The following NACC2 variants were observed in gnomAD, a reference collection of about 807,000 sequenced individuals.
The protein encoded by NACC2 is nucleus accumbens-associated protein 2.
In NACC2, 8 loss-of-function variants were observed where a neutral mutation model predicts 25.1. The ratio of observed to expected loss-of-function variants is 0.32; its 90% CI spans 0.19 to 0.57. NACC2 has a LOEUF of 0.57. NACC2 is among the 20% of genes least tolerant of loss of function. NACC2 has a pLI of 0.89. For missense variants in NACC2, 644 were observed against 650.2 expected (o/e 0.99, Z 0.10); for synonymous variants, 435 against 294.7 (o/e 1.48, Z -4.88).
chr9:136,067,575 C>G (rs148166809), intron 1 of NACC2, among the ~76,000 whole-genome samples: 94 of 152,030 alleles, frequency 6.2e-4, no homozygotes, highest in Non-Finnish European at 1.0e-3. Context: ...CGGTGGCTCA[C>G]GCCTGTAATC....
At chr9:136,056,809 GCATCAGC>G (rs1840931407) in intron 1 of NACC2, among the ~76,000 whole-genome samples, 1 of 152,246 alleles carries the variant, frequency 6.6e-6, no homozygotes, top group Non-Finnish European at 1.5e-5. Context: ...GCCAGGGCCA[GCATCAGC>G]CATCAGAGCC....
chr9:136,044,269 T>A (rs927409528), intron 2 of NACC2, among the ~76,000 whole-genome samples: 2,703 of 152,096 alleles, frequency 0.018, 79 homozygotes, highest in East Asian at 0.15. Context: ...TAATCGCAGC[T>A]TTTTGGGAGG....
Position 136,084,368 on chromosome 9 carries a change from C to G in NACC2, c.-60+10821G>C, listed in dbSNP as rs928126043. 6.6e-6 allele frequency among the ~76,000 whole-genome samples: 1 copy of G among 152,276 alleles called. No individual in the cohort carries two copies. The highest frequency in any genetic ancestry group is 6.5e-5 in the Admixed American group (1 of 15,300). On this transcript the variant is annotated intron_variant, in intron 1 of 5. Coordinates refer to ENST00000277554, the MANE Select transcript of NACC2 (RefSeq NM_144653.5). This position sits in a 1 kb window ranked among gnomAD's most constrained non-coding sequence, Gnocchi z 5.1. Reference sequence around the variant, plus strand: ...AGGCGGGTTGCTGGAGGGCTGCTTCCGAGACTCATCCATCACACAGACACC... The same window carrying G: ...AGGCGGGTTGCTGGAGGGCTGCTTCGGAGACTCATCCATCACACAGACACC...
At chr9:136,091,843 C>A (rs1172873451) in intron 1 of NACC2, among the ~76,000 whole-genome samples, 2 of 148,890 alleles carry the variant, frequency 1.3e-5, no homozygotes, top group Non-Finnish European at 3.0e-5. Flanking sequence ...AAAAAAAAAA[C>A]CAACAACAAC....
chr9:136,047,096 A>G (rs1453317604), intron 2 of NACC2, among the ~76,000 whole-genome samples: 1 of 152,102 alleles, frequency 6.6e-6, no homozygotes, highest in African/African-American at 2.4e-5. Flanking sequence ...GGGACCTTAG[A>G]ACACGCTAGT....
chr9:136,023,086 GGA>G (rs1564220677), intron 2 of NACC2, among the ~76,000 whole-genome samples: 7 of 11,106 alleles, frequency 6.3e-4, no homozygotes, highest in South Asian at 4.2e-3. Flanking sequence ...GAGGAGGGAG[GGA>G]AGGAGGGAAG....
intron 2 of NACC2, among the ~76,000 whole-genome samples, chr9:136,030,306 A>T (rs1840455117): frequency 6.6e-6 from 1 of 152,122 alleles, no homozygotes; most frequent in African/African-American, 2.4e-5. Flanking sequence ...GACATTCAGA[A>T]GATCTTAAAG....
chr9:136,044,582 G>A (rs985266563), intron 2 of NACC2, among the ~76,000 whole-genome samples: 3 of 152,126 alleles, frequency 2.0e-5, no homozygotes, highest in Non-Finnish European at 4.4e-5. Flanking sequence ...GGTGGTGGTG[G>A]GGGGGCTCTA....
intron 1 of NACC2, among the ~76,000 whole-genome samples, chr9:136,051,311 G>A (rs1227124093): frequency 3.9e-5 from 6 of 152,152 alleles, no homozygotes; most frequent in Admixed American, 2.6e-4. Flanking sequence ...CCAAGCCGCC[G>A]CCAGGGCAGG....
chr9:136,051,527 G>T (rs1281771286), intron 1 of NACC2, among the ~76,000 whole-genome samples: 1 of 152,184 alleles, frequency 6.6e-6, no homozygotes, highest in Non-Finnish European at 1.5e-5. Flanking sequence ...GGCGGGGGCG[G>T]CCCAGAAGGC....
intron 2 of NACC2, among the ~76,000 whole-genome samples, chr9:136,031,590 G>A (rs1840474234): frequency 6.6e-6 from 1 of 151,974 alleles, no homozygotes; most frequent in Non-Finnish European, 1.5e-5. Context: ...CACCCGCCTC[G>A]GCCTCCCAAA....
Position 136,016,364 on chromosome 9 carries a change from C to A in NACC2, c.952G>T (p.Val318Leu). ...CTGATGAGGCTGGCAGGTAGGGCCA[C>A]GAGGTCGCGGCGGATGAGGACGCAG... The part of the protein sequence containing the change: ...RSCVLIRRDL[V>L]ALPASLISQI... The change falls in exon 3 of 6, where the codon GTG becomes TTG. Residue 318 changes from valine to leucine, a missense_variant. Val to Leu is a conservative substitution (Grantham distance 32). Transcript: ENST00000277554. The A allele has an allele frequency of 6.2e-7, 1 of 1,611,972 alleles. No individual in the cohort carries two copies. The highest frequency in any genetic ancestry group is 1.7e-5 in the Admixed American group (1 of 60,016).
intron 2 of NACC2, among the ~76,000 whole-genome samples, chr9:136,043,157 G>A (rs1215913582): frequency 6.6e-6 from 1 of 152,170 alleles, no homozygotes; most frequent in Non-Finnish European, 1.5e-5. Context: ...AAAACTTCTG[G>A]TCTTTGAGAG....
chr9:136,050,745 C>T (rs1840817900), intron 1 of NACC2, among the ~76,000 whole-genome samples, 165 bp from the exon 2 acceptor site: 1 of 152,108 alleles, frequency 6.6e-6, no homozygotes, highest in African/African-American at 2.4e-5. Flanking sequence ...AGAAGGGACA[C>T]GGGGTCTCCC....
In NACC2 at chr9:136,013,802, C is replaced by G; in HGVS notation, c.1157+62G>C. On this transcript the variant is annotated intron_variant, in intron 4 of 5. Transcript: ENST00000277554. This position sits in a 1 kb window ranked among gnomAD's most constrained non-coding sequence, Gnocchi z 6.6. ...CCCTGGACGATCAGACAGCTCATAG[C>G]TAAAGGAGCCAGAACCCTCCGCAGC... is the stretch of plus-strand genomic sequence containing the variant. 1.4e-6 allele frequency: 2 copies of G among 1,427,096 alleles called. No individual in the cohort carries two copies. Among genetic ancestry groups the G allele is most frequent in the South Asian group, 2.4e-5 (2 of 84,608 alleles). The allele number at this position is 1,427,096 out of a possible 1,614,324, so 88.4% of individuals were successfully genotyped here.
At chr9:136,041,745 T>C (rs1840636188) in intron 2 of NACC2, among the ~76,000 whole-genome samples, 1 of 152,176 alleles carries the variant, frequency 6.6e-6, no homozygotes, top group South Asian at 2.1e-4. Flanking sequence ...AGATGAACAG[T>C]ATGGCGTGTG....
intron 2 of NACC2, among the ~76,000 whole-genome samples, chr9:136,048,262 G>T (rs1400216190): frequency 9.8e-5 from 15 of 152,326 alleles, no homozygotes; most frequent in African/African-American, 3.6e-4. Context: ...CTGGTCCCCT[G>T]CCTTCCCTGG....
intron 1 of NACC2, among the ~76,000 whole-genome samples, chr9:136,060,879 C>T (rs1355079619): frequency 6.6e-6 from 1 of 152,238 alleles, no homozygotes; most frequent in African/African-American, 2.4e-5. Flanking sequence ...TTCTCCTCTG[C>T]ATCCAGGAAG....
At chr9:136,076,181 A>G (rs957041896) in intron 1 of NACC2, among the ~76,000 whole-genome samples, 1 of 152,194 alleles carries the variant, frequency 6.6e-6, no homozygotes. Context: ...CAACCAAAAG[A>G]AAAGCAAATG....
Sources: allele counts gnomAD v4.1 joint callset (sites outside exome capture counted in the v4.1 genomes callset), GRCh38; gene constraint gnomAD v4.1.1; non-coding constraint Gnocchi (gnomAD v3.1); transcripts MANE v1.5; gene names NCBI Gene and HGNC (gene_info 2026-07-23, HGNC 2026-07-21).